MECOM: variants seen among roughly 807,000 people sequenced by gnomAD.
The protein encoded by MECOM is MDS1 and EVI1 complex locus.
Under a neutral mutation model 116.3 loss-of-function variants are expected in MECOM, and 13 were observed. The ratio of observed to expected loss-of-function variants is 0.11; its 90% confidence interval spans 0.07 to 0.18. MECOM has a LOEUF of 0.18. MECOM is among the 10% of genes least tolerant of loss of function. The probability of loss-of-function intolerance (pLI) is 1.00; values close to 1 mark genes in which losing one functional copy is unlikely to be tolerated. For missense variants in MECOM, 1,299 were observed against 1,509.0 expected (o/e 0.86, Z 2.31); for synonymous variants, 528 against 535.2 (o/e 0.99, Z 0.19).
chr3:169,533,779 T>G (rs980637719), intron 1 of MECOM, among the ~76,000 whole-genome samples: 1 of 152,044 alleles, frequency 6.6e-6, no homozygotes, highest in African/African-American at 2.4e-5. Context: ...CCAACCTGGA[T>G]AGGTTATTTA....
At chr3:169,448,768 A>C (rs978246017) in intron 1 of MECOM, among the ~76,000 whole-genome samples, 1 of 152,172 alleles carries the variant, frequency 6.6e-6, no homozygotes, top group African/African-American at 2.4e-5. Context: ...ATTATTTCCA[A>C]TTCCGTAATA....
At chr3:169,224,096 A>G (rs1752444547) in intron 2 of MECOM, among the ~76,000 whole-genome samples, 1 of 152,018 alleles carries the variant, frequency 6.6e-6, no homozygotes, top group Non-Finnish European at 1.5e-5. Flanking sequence ...CATCTAGGAT[A>G]TGGTGTGGTA....
At chr3:169,629,902 A>G (rs1323079064) in intron 1 of MECOM, among the ~76,000 whole-genome samples, 2 of 152,202 alleles carry the variant, frequency 1.3e-5, no homozygotes, top group South Asian at 2.1e-4. Context: ...CAGGCTGCCC[A>G]GCCATCCATC....
chr3:169,596,136 T>A (rs1260598299), intron 1 of MECOM, among the ~76,000 whole-genome samples: 1 of 152,228 alleles, frequency 6.6e-6, no homozygotes, highest in African/African-American at 2.4e-5. Flanking sequence ...TCAAAAGGTG[T>A]AGTTTATTTA....
chr3:169,159,217 T>G (rs1000464536), intron 2 of MECOM, among the ~76,000 whole-genome samples: 1 of 152,190 alleles, frequency 6.6e-6, no homozygotes, highest in Non-Finnish European at 1.5e-5. Context: ...CTTCTAGTTA[T>G]GTAATAGTGA....
chr3:169,483,538 C>T (rs1244945706), intron 1 of MECOM: 4 of 621,776 alleles, frequency 6.4e-6, no homozygotes, highest in Non-Finnish European at 8.1e-6. Flanking sequence ...GAGTGGCGAA[C>T]CAAGGGAAGC....
At chr3:169,530,970 T>C (rs993775522) in intron 1 of MECOM, among the ~76,000 whole-genome samples, 3 of 152,084 alleles carry the variant, frequency 2.0e-5, no homozygotes, top group African/African-American at 7.2e-5. Flanking sequence ...AATTTCGCCA[T>C]GACTGAGCCT....
At chr3:169,379,391 G>A (rs554350301) in intron 2 of MECOM, among the ~76,000 whole-genome samples, 1 of 151,962 alleles carries the variant, frequency 6.6e-6, no homozygotes, top group African/African-American at 2.4e-5. Context: ...TGTGATTTTC[G>A]GCCAAAAAGT....
intron 2 of MECOM, among the ~76,000 whole-genome samples, chr3:169,226,326 A>T (rs1219359183): frequency 6.6e-6 from 1 of 152,276 alleles, no homozygotes; most frequent in Middle Eastern, 3.4e-3. Context: ...TTTCCACAGG[A>T]CCTATAGTCC....
Position 169,253,851 on chromosome 3 carries a change from A to G in MECOM, c.376-110019T>C, listed in dbSNP as rs532001828. ...ATTTATACTTCTTTGTACCCCAACT[A>G]CATTTAACACATCTAGGCTTGAAGT... On this transcript the variant is annotated intron_variant, in intron 2 of 16. Coordinates refer to ENST00000651503, the MANE Select transcript of MECOM (RefSeq NM_004991.4). Among the ~76,000 whole-genome samples the G allele has an allele frequency of 7.2e-5, 11 of 152,236 alleles. No homozygotes were observed. The East Asian group carries it at 2.1e-3, about 29-fold the overall frequency.
chr3:169,158,069 CCA>C (rs938562150), intron 2 of MECOM, among the ~76,000 whole-genome samples: 6 of 152,020 alleles, frequency 3.9e-5, no homozygotes, highest in Non-Finnish European at 7.4e-5. Context: ...TTCCTCCACC[CCA>C]CATCCATTCT....
intron 1 of MECOM, among the ~76,000 whole-genome samples, chr3:169,541,054 C>T (rs1760003075): frequency 6.6e-6 from 1 of 152,202 alleles, no homozygotes; most frequent in African/African-American, 2.4e-5. Flanking sequence ...AATAAATGAA[C>T]CAATCCATTC....
intron 1 of MECOM, among the ~76,000 whole-genome samples, chr3:169,405,373 CAG>C (rs1736533501): frequency 6.6e-6 from 1 of 152,148 alleles, no homozygotes; most frequent in African/African-American, 2.4e-5. Context: ...CAGCCAGACT[CAG>C]ATATGCATAA....
At chr3:169,494,029 G>A (rs1236620808) in intron 1 of MECOM, among the ~76,000 whole-genome samples, 1 of 152,096 alleles carries the variant, frequency 6.6e-6, no homozygotes, top group Non-Finnish European at 1.5e-5. Flanking sequence ...TGTGAAATTT[G>A]AGCTAGATCA....
At position 169,611,508 on chromosome 3, in the gene MECOM, A is replaced by C. The variant is rs1769274313; in HGVS notation, c.37+51828T>G. Among the ~76,000 whole-genome samples the C allele has an allele frequency of 6.6e-6, 1 of 152,200 alleles. No individual in the cohort carries two copies. Among genetic ancestry groups the C allele is most frequent in the African/African-American group, 2.4e-5 (1 of 41,458 alleles). On this transcript the variant is annotated intron_variant, in intron 1 of 16. Coordinates refer to ENST00000651503, the MANE Select transcript of MECOM (RefSeq NM_004991.4). This position sits in a 1 kb window ranked among gnomAD's most constrained non-coding sequence, Gnocchi z 4.1. Reference sequence around the variant, plus strand: ...ACAAGCAAGTCAGGCAGTTGTGAGGAGTGGAAGTGTTTCATAAGCTTCAGT... The same window carrying C: ...ACAAGCAAGTCAGGCAGTTGTGAGGCGTGGAAGTGTTTCATAAGCTTCAGT...
chr3:169,114,009 T>A (rs1349349516), intron 8 of MECOM, among the ~76,000 whole-genome samples: 1 of 151,956 alleles, frequency 6.6e-6, no homozygotes, highest in Non-Finnish European at 1.5e-5. Flanking sequence ...GGAATGCTAG[T>A]AGGTGATGAG....
intron 1 of MECOM, among the ~76,000 whole-genome samples, chr3:169,500,080 T>C (rs1754350414): frequency 1.3e-5 from 2 of 152,038 alleles, no homozygotes; most frequent in Non-Finnish European, 2.9e-5. Context: ...TTTTAAATAA[T>C]GTTTAATAAT....
At chr3:169,336,355 A>G (rs1322211955) in intron 2 of MECOM, among the ~76,000 whole-genome samples, 1 of 152,058 alleles carries the variant, frequency 6.6e-6, no homozygotes, top group Non-Finnish European at 1.5e-5. Context: ...TCATCAAATA[A>G]AAGCTCACCA....
chr3:169,350,820 G>T (rs981674716), intron 2 of MECOM, among the ~76,000 whole-genome samples: 1 of 151,576 alleles, frequency 6.6e-6, no homozygotes, highest in African/African-American at 2.4e-5. Context: ...AATTAAAGTG[G>T]AAAGACTCTG....
Sources: gnomAD v4.1 joint callset for allele counts (sites outside exome capture counted in the v4.1 genomes callset) on GRCh38, gnomAD v4.1.1 for gene constraint, Gnocchi (gnomAD v3.1) non-coding constraint, MANE v1.5 for transcripts, NCBI Gene and HGNC (gene_info 2026-07-23, HGNC 2026-07-21) for gene names.